The following TRPM3 variants were observed in gnomAD, a reference collection of about 807,000 sequenced individuals.
The protein encoded by TRPM3 is transient receptor potential cation channel subfamily M member 3.
Under a neutral mutation model 181.2 loss-of-function variants are expected in TRPM3, and 77 were observed. The ratio of observed to expected loss-of-function variants is 0.42; its 90% CI spans 0.35 to 0.51. The LOEUF (loss-of-function observed/expected upper bound fraction) is 0.51. Ranked by LOEUF, TRPM3 falls within the 20% of genes least tolerant of loss-of-function variation. TRPM3 has a pLI of 0.01. For missense variants in TRPM3, 1,759 were observed against 2,196.7 expected (o/e 0.80, Z 3.98); for synonymous variants, 745 against 796.4 (o/e 0.94, Z 1.09).
At chr9:71,104,981 C>T (rs905567133) in intron 1 of TRPM3, among the ~76,000 whole-genome samples, 1 of 152,116 alleles carries the variant, frequency 6.6e-6, no homozygotes. Flanking sequence ...CAATTCTATT[C>T]CTAGGTATAT....
At chr9:71,340,973 A>C (rs2090923484) in intron 1 of TRPM3, among the ~76,000 whole-genome samples, 1 of 152,136 alleles carries the variant, frequency 6.6e-6, no homozygotes, top group African/African-American at 2.4e-5. Flanking sequence ...AGTTTTTGTC[A>C]AAACGGCACA....
chr9:70,565,812 G>T (rs2050438638), intron 22 of TRPM3, among the ~76,000 whole-genome samples: 1 of 152,212 alleles, frequency 6.6e-6, no homozygotes, highest in South Asian at 2.1e-4. Context: ...TTGAGACTTA[G>T]ATCTGGCATT....
At chr9:70,665,226 T>G (rs1305647301) in intron 9 of TRPM3, among the ~76,000 whole-genome samples, 1 of 152,034 alleles carries the variant, frequency 6.6e-6, no homozygotes, top group Non-Finnish European at 1.5e-5. Flanking sequence ...ACCTATTGAG[T>G]GTGCATTTCC....
chr9:70,634,248 T>G, intron 12 of TRPM3, among the ~76,000 whole-genome samples: 1 of 152,146 alleles, frequency 6.6e-6, no homozygotes, highest in East Asian at 1.9e-4. Flanking sequence ...TAGCTGAGCT[T>G]ACAGGCACAC....
intron 1 of TRPM3, among the ~76,000 whole-genome samples, chr9:71,120,321 C>T (rs773598628): frequency 6.6e-6 from 1 of 152,186 alleles, no homozygotes; most frequent in Non-Finnish European, 1.5e-5. Flanking sequence ...TTACCACCTT[C>T]TATTTACTGG....
Position 70,992,983 on chromosome 9 carries a change from G to A in TRPM3, c.177+128195C>T, listed in dbSNP as rs183717460. Among the ~76,000 whole-genome samples, 7 of 152,258 alleles carry A rather than the reference G, an allele frequency of 4.6e-5. No homozygotes were observed. In the East Asian group the frequency reaches 9.6e-4, roughly 21 times the overall value. ...ATGATAGGAGAACTCTAGGCAGAGA[G>A]AACAGAAACAAGTACAAACCCCCAA... is the stretch of plus-strand genomic sequence containing the variant. On this transcript the variant is annotated intron_variant, in intron 1 of 25. Transcript: ENST00000677713.
intron 1 of TRPM3, among the ~76,000 whole-genome samples, chr9:71,401,195 C>T (rs982355163): frequency 3.4e-5 from 3 of 89,374 alleles, no homozygotes; most frequent in African/African-American, 6.0e-5. Flanking sequence ...GAGACACCAT[C>T]GCAAAAAAAA....
intron 1 of TRPM3, among the ~76,000 whole-genome samples, chr9:71,213,110 G>C (rs2079611406): frequency 6.6e-6 from 1 of 152,176 alleles, no homozygotes; most frequent in Admixed American, 6.5e-5. Flanking sequence ...AAATATTTAA[G>C]CTTTACAGGC....
intron 1 of TRPM3, among the ~76,000 whole-genome samples, chr9:71,201,306 A>C (rs1249842199): frequency 6.6e-6 from 1 of 151,716 alleles, no homozygotes; most frequent in Admixed American, 6.6e-5. Flanking sequence ...TGCCCTTAAC[A>C]TTTTTTCCTT....
intron 1 of TRPM3, among the ~76,000 whole-genome samples, chr9:71,325,420 C>T (rs1038544608): frequency 6.6e-6 from 1 of 151,974 alleles, no homozygotes; most frequent in Non-Finnish European, 1.5e-5. Flanking sequence ...TTATTAAATC[C>T]TAAGCAACTT....
At chr9:70,599,879 T>C (rs2059586612) in intron 20 of TRPM3, among the ~76,000 whole-genome samples, 1 of 152,222 alleles carries the variant, frequency 6.6e-6, no homozygotes, top group Non-Finnish European at 1.5e-5. Flanking sequence ...AATTGATCAA[T>C]CATCTATTTA....
chr9:70,762,399 T>G (rs1282985070), intron 7 of TRPM3, among the ~76,000 whole-genome samples: 1 of 152,202 alleles, frequency 6.6e-6, no homozygotes, highest in Non-Finnish European at 1.5e-5. Flanking sequence ...AGGCATCATA[T>G]CTAATCAATG....
Position 70,620,158 on chromosome 9 carries a change from T to C in TRPM3, c.2047A>G (p.Lys683Glu). The C allele has an allele frequency of 6.2e-7, 1 of 1,614,198 alleles. No homozygotes were observed. The highest frequency in any genetic ancestry group is 8.5e-7 in the Non-Finnish European group (1 of 1,180,032). ...TCATGAGCCATGGCTTTGCAGAGCT[T>C]GCAGGCCACCAGGGCCTTGGCCATG... ...EAMAKALVAC[K>E]LCKAMAHEAS... is the part of the protein sequence containing the mutation. Residue 683 changes from lysine (K) to glutamate (E), a missense_variant, in exon 16 of 26, where the codon AAG (lysine) becomes GAG (glutamate). By Grantham distance (56) the Lys-to-Glu change is moderately conservative. This residue lies in a region of TRPM3 where 737 missense variants were observed against 957.4 expected (regional missense o/e 0.77). Coordinates refer to ENST00000677713, the MANE Select transcript of TRPM3 (RefSeq NM_001366145.2).
At chr9:70,816,180 T>C (rs371076601) in intron 6 of TRPM3, among the ~76,000 whole-genome samples, 35 of 152,350 alleles carry the variant, frequency 2.3e-4, no homozygotes, top group East Asian at 1.9e-3. Flanking sequence ...CAGTTCACTA[T>C]TTATTGAGAG....
intron 1 of TRPM3, among the ~76,000 whole-genome samples, chr9:71,402,285 A>G (rs2093355643): frequency 1.3e-5 from 2 of 152,228 alleles, no homozygotes; most frequent in Admixed American, 1.3e-4. Flanking sequence ...TTAGTAGTCA[A>G]CGAAGAATTA....
Position 71,027,079 on chromosome 9 carries a change from C to T in TRPM3, c.177+94099G>A, listed in dbSNP as rs550797110. Among the ~76,000 whole-genome samples, 30 of 152,252 alleles carry T rather than the reference C, an allele frequency of 2.0e-4. No individual in the cohort carries two copies. The East Asian group carries it at 5.8e-3, about 29-fold the overall frequency. On this transcript the variant is annotated intron_variant, in intron 1 of 25. Transcript: ENST00000677713. Reference sequence around the variant, plus strand: ...GCCACCACCCATCAAAGTGTTGTGACCAGCAGTCTGGGAGCACCTCAGCCC... The same window carrying T: ...GCCACCACCCATCAAAGTGTTGTGATCAGCAGTCTGGGAGCACCTCAGCCC...
rs866976148 is a variant in TRPM3, at chr9:70,578,316, A to G, written c.3223+12715T>C. Among the ~76,000 whole-genome samples the G allele has an allele frequency of 6.3e-3, 960 of 151,684 alleles. 7 individuals are homozygous for G. The highest frequency in any genetic ancestry group is 0.022 in the African/African-American group (893 of 41,198). ...TTGTATCCAAAAAAAAAAAAAAAAAAAAAGACTGGTGTCTCTCTTAGATGC... is the reference window on the plus strand; with the variant it reads ...TTGTATCCAAAAAAAAAAAAAAAAAGAAAGACTGGTGTCTCTCTTAGATGC... On this transcript the variant is annotated intron_variant, in intron 22 of 25. Transcript: ENST00000677713.
intron 1 of TRPM3, among the ~76,000 whole-genome samples, chr9:71,360,081 T>C (rs1399014625): frequency 2.0e-5 from 3 of 152,064 alleles, no homozygotes; most frequent in Non-Finnish European, 4.4e-5. Flanking sequence ...ACAATTAGTG[T>C]TAGTTATTAT....
intron 1 of TRPM3, among the ~76,000 whole-genome samples, chr9:71,261,662 G>T (rs1436153573): frequency 6.6e-6 from 1 of 152,162 alleles, no homozygotes; most frequent in Non-Finnish European, 1.5e-5. Flanking sequence ...GGTCTTTGCT[G>T]TTAGTGACTT....
Sources: gnomAD v4.1 joint callset for allele counts (sites outside exome capture counted in the v4.1 genomes callset) on GRCh38, gnomAD v4.1.1 for gene constraint, gnomAD v4.1.1 regional missense constraint, MANE v1.5 for transcripts, NCBI Gene and HGNC (gene_info 2026-07-23, HGNC 2026-07-21) for gene names.